Variants in PXDNL observed in about 807,000 individuals in gnomAD.
PXDNL encodes the protein probable oxidoreductase PXDNL.
A neutral mutation model predicts 150.8 loss-of-function variants in PXDNL; 145 were observed. The ratio of observed to expected loss-of-function variants is 0.96; its 90% CI spans 0.84 to 1.10. The LOEUF (loss-of-function observed/expected upper bound fraction) is 1.10. PXDNL is among the 50% of genes least tolerant of loss of function. The pLI is 0.00. For missense variants in PXDNL, 2,087 were observed against 1,873.9 expected (o/e 1.11, Z -2.10); for synonymous variants, 757 against 725.7 (o/e 1.04, Z -0.69).
At chr8:51,645,035 C>G (rs1814887806) in intron 2 of PXDNL, among the ~76,000 whole-genome samples, 1 of 152,110 alleles carries the variant, frequency 6.6e-6, no homozygotes, top group African/African-American at 2.4e-5. Context: ...GTCCCATGAT[C>G]TGCCCTCTGC....
chr8:51,459,861 A>T (rs1810029903), intron 8 of PXDNL, among the ~76,000 whole-genome samples: 1 of 152,222 alleles, frequency 6.6e-6, no homozygotes. Flanking sequence ...GTGTTTCATT[A>T]CAACAGTCAT....
At chr8:51,501,020 G>C (rs752323174) in intron 4 of PXDNL, among the ~76,000 whole-genome samples, 23 of 152,078 alleles carry the variant, frequency 1.5e-4, no homozygotes, top group Non-Finnish European at 2.9e-4. Context: ...ATAATCACAA[G>C]AGAATGAAAA....
intron 4 of PXDNL, among the ~76,000 whole-genome samples, chr8:51,513,985 A>G (rs1318166079): frequency 2.0e-5 from 3 of 152,218 alleles, no homozygotes; most frequent in East Asian, 1.9e-4. Context: ...TTCCATAACA[A>G]TGGTTTTATT....
chr8:51,786,426 C>T (rs996383005), intron 1 of PXDNL, among the ~76,000 whole-genome samples: 2 of 152,080 alleles, frequency 1.3e-5, no homozygotes, highest in African/African-American at 4.8e-5. Flanking sequence ...CCAGGCTGGT[C>T]TTGAACTCCT....
At chr8:51,586,117 G>T (rs1450141812) in intron 3 of PXDNL, among the ~76,000 whole-genome samples, 7 of 152,266 alleles carry the variant, frequency 4.6e-5, no homozygotes, top group Non-Finnish European at 1.0e-4. Context: ...CTCCAGTGCT[G>T]AATCACATCT....
chr8:51,386,144 G>A lies in PXDNL; in HGVS notation c.3558-11413C>T, dbSNP rs534189363. Among the ~76,000 whole-genome samples the A allele has an allele frequency of 2.6e-5, 4 of 151,902 alleles. No individual in the cohort carries two copies. The East Asian group carries it at 7.8e-4, about 29-fold the overall frequency. ...CTCTTGCTCTGTCACCCAGGCTAGA[G>A]TGCAGTGGCGTGATCTCAGCTCACC... On this transcript the variant is annotated intron_variant, in intron 17 of 22. Transcript: ENST00000356297.
At chr8:51,592,762 A>T in intron 2 of PXDNL, 64 bp from the exon 3 acceptor site, 2 of 1,205,442 alleles carry the variant, frequency 1.7e-6, no homozygotes, top group Non-Finnish European at 1.2e-6. Context: ...ACATTAAAAT[A>T]GTTCTGCTAA....
intron 2 of PXDNL, among the ~76,000 whole-genome samples, chr8:51,612,519 C>T (rs1359222569): frequency 6.6e-6 from 1 of 152,102 alleles, no homozygotes; most frequent in Non-Finnish European, 1.5e-5. Flanking sequence ...ACGTTTGTGC[C>T]CCCCACTGCC....
chr8:51,629,740 T>A (rs927439000), intron 2 of PXDNL, among the ~76,000 whole-genome samples: 1 of 152,096 alleles, frequency 6.6e-6, no homozygotes, highest in African/African-American at 2.4e-5. Flanking sequence ...TCAGAAACCA[T>A]GCAGACATGA....
chr8:51,529,930 A>T (rs984244708), intron 4 of PXDNL, among the ~76,000 whole-genome samples: 6 of 151,962 alleles, frequency 3.9e-5, no homozygotes, highest in African/African-American at 1.2e-4. Context: ...AGATGCCTAT[A>T]GCAATCCCCC....
At chr8:51,344,440 C>T (rs1467064471) in intron 20 of PXDNL, among the ~76,000 whole-genome samples, 3 of 152,124 alleles carry the variant, frequency 2.0e-5, no homozygotes, top group Non-Finnish European at 4.4e-5. Context: ...ACACACCTCA[C>T]TTCCCTTTGC....
chr8:51,523,470 T>C (rs1811702924), intron 4 of PXDNL, among the ~76,000 whole-genome samples: 1 of 152,228 alleles, frequency 6.6e-6, no homozygotes, highest in African/African-American at 2.4e-5. Context: ...TACTAACTTA[T>C]CTTGTGATTT....
intron 12 of PXDNL, among the ~76,000 whole-genome samples, chr8:51,427,445 A>G (rs1809136676): frequency 1.3e-5 from 2 of 152,154 alleles, no homozygotes; most frequent in South Asian, 4.1e-4. Context: ...AAACAAAGAA[A>G]AAAAAAGACT....
At chr8:51,577,110 A>G (rs1286117593) in intron 3 of PXDNL, among the ~76,000 whole-genome samples, 1 of 151,918 alleles carries the variant, frequency 6.6e-6, no homozygotes, top group Non-Finnish European at 1.5e-5. Flanking sequence ...TCTCTTCCAG[A>G]AAAATAACAG....
intron 19 of PXDNL, among the ~76,000 whole-genome samples, chr8:51,351,486 A>G (rs1333136329): frequency 6.6e-6 from 1 of 152,182 alleles, no homozygotes; most frequent in Non-Finnish European, 1.5e-5. Flanking sequence ...CATAGAATGC[A>G]TTCTCCCACA....
Position 51,475,179 on chromosome 8 carries a change from A to T in PXDNL, c.525-38T>A, listed in dbSNP as rs1810445938. On this transcript the variant is annotated intron_variant, in intron 6 of 22. Transcript: ENST00000356297. ...GCAAGAAGTACAACTGTTAAAAGGG[A>T]CTATTAATTTCTATGATGAATCTTT... 3.2e-6 allele frequency: 5 copies of T among 1,554,544 alleles called. No individual in the cohort carries two copies. In the East Asian group the frequency reaches 1.1e-4, roughly 35 times the overall value.
chr8:51,359,560 GAAA>G (rs57133329), intron 19 of PXDNL, among the ~76,000 whole-genome samples: 10 of 151,300 alleles, frequency 6.6e-5, no homozygotes, highest in African/African-American at 1.9e-4. Context: ...GTTTCAGAAG[GAAA>G]AAAAAATATT....
intron 1 of PXDNL, among the ~76,000 whole-genome samples, chr8:51,673,391 T>G (rs890921769): frequency 3.9e-5 from 6 of 152,180 alleles, no homozygotes; most frequent in Non-Finnish European, 7.4e-5. Context: ...TCTGTTACAT[T>G]TTCCAAACTT....
chr8:51,608,852 A>AAAAAAAAG lies in PXDNL; in HGVS notation c.237-16162_237-16155dup, dbSNP rs1563482320. On this transcript the variant is annotated intron_variant, in intron 2 of 22. Coordinates refer to ENST00000356297, the MANE Select transcript of PXDNL (RefSeq NM_144651.5). ...ACTCTGTCTCAAAAAAAAAAAAAAA[A>AAAAAAAAG]AAAAAAAGAAAGTATTGCATTGAGT... Among the ~76,000 whole-genome samples, 112 of 149,470 alleles carry AAAAAAAAG rather than the reference A, an allele frequency of 7.5e-4. 1 individual carries two copies. The highest frequency in any genetic ancestry group is 2.7e-3 in the African/African-American group (107 of 39,458).
Sources: allele counts gnomAD v4.1 joint callset (sites outside exome capture counted in the v4.1 genomes callset), GRCh38; gene constraint gnomAD v4.1.1; transcripts MANE v1.5; gene names NCBI Gene and HGNC (gene_info 2026-07-23, HGNC 2026-07-21).